Variants in MTRES1 observed in about 807,000 individuals in gnomAD.
The protein encoded by MTRES1 is mitochondrial transcription rescue factor 1, also known as uncharacterized protein C6orf203.
MTRES1 carries 11 observed loss-of-function variants against 17.4 expected under a neutral mutation model. The observed-to-expected ratio is 0.63, with a 90% CI of 0.40 to 1.05. The LOEUF (loss-of-function observed/expected upper bound fraction) is 1.05, where lower values mean the gene tolerates loss of function less well. Among genes scored for constraint, MTRES1 ranks in the 50% least tolerant of loss-of-function variants. The pLI is 0.00. For missense variants in MTRES1, 268 were observed against 276.2 expected, an observed-to-expected ratio of 0.97 and a Z score of 0.21; for synonymous variants, 94 against 99.6, an observed-to-expected ratio of 0.94 and a Z score of 0.34.
chr6:107,032,108 A>C (rs1431065211), intron 1 of MTRES1, among the ~76,000 whole-genome samples: 1 of 152,150 alleles, frequency 6.6e-6, no homozygotes, highest in East Asian at 1.9e-4. Context: ...CTGTTTTGAG[A>C]AGTTTTATGG....
intron 1 of MTRES1, among the ~76,000 whole-genome samples, chr6:107,038,113 C>A (rs1774071541): frequency 6.6e-6 from 1 of 152,128 alleles, no homozygotes; most frequent in Admixed American, 6.6e-5. Context: ...AGATTGGAGT[C>A]CCAAGAGTGG....
chr6:107,045,181 T>G (rs142265637), intron 3 of MTRES1, among the ~76,000 whole-genome samples: 1 of 59,128 alleles, frequency 1.7e-5, no homozygotes, highest in African/African-American at 3.8e-5. Flanking sequence ...TGAGACCCTG[T>G]CTCAAAAAAA....
intron 1 of MTRES1, among the ~76,000 whole-genome samples, chr6:107,033,516 A>G (rs1184163329): frequency 6.6e-6 from 1 of 152,008 alleles, no homozygotes; most frequent in East Asian, 1.9e-4. Flanking sequence ...TCCCCTGACC[A>G]GTTTCAAAGT....
At chr6:107,045,970 C>G (rs1774375771) in intron 3 of MTRES1, among the ~76,000 whole-genome samples, 1 of 152,214 alleles carries the variant, frequency 6.6e-6, no homozygotes, top group African/African-American at 2.4e-5. Flanking sequence ...ACTGAGGCTT[C>G]CTGCAGTCCT....
At position 107,051,108 on chromosome 6, in the gene MTRES1, G is replaced by A; in HGVS notation, c.595G>A (p.Gly199Arg). The A allele has an allele frequency of 5.0e-6, 8 of 1,613,876 alleles. No individual in the cohort carries two copies. Among genetic ancestry groups the A allele is most frequent in the Non-Finnish European group, 6.8e-6 (8 of 1,179,774 alleles). Reference sequence around the variant, plus strand: ...TCTCATTGGAGAGGATAAAGAAGCAGGAACAGAGACAGTTATGCGGATTCT... The same window carrying A: ...TCTCATTGGAGAGGATAAAGAAGCAAGAACAGAGACAGTTATGCGGATTCT... Reference protein sequence around the residue: ...DLLIGEDKEAGTETVMRILLK... With the variant: ...DLLIGEDKEARTETVMRILLK... Residue 199 changes from glycine to arginine, a missense_variant, in exon 4 of 4, where the codon GGA becomes AGA. Coordinates refer to ENST00000311381, the MANE Select transcript of MTRES1 (RefSeq NM_016487.5).
intron 1 of MTRES1, chr6:107,028,931 TC>T: frequency 1.0e-6 from 1 of 961,228 alleles, no homozygotes; most frequent in Non-Finnish European, 1.2e-6. Flanking sequence ...TCAGGTCACT[TC>T]CCAGGGTCCA....
intron 1 of MTRES1, among the ~76,000 whole-genome samples, chr6:107,039,358 T>G (rs1774110225): frequency 6.6e-6 from 1 of 152,052 alleles, no homozygotes; most frequent in African/African-American, 2.4e-5. Context: ...TCTCTCTTGT[T>G]GCCTGGGCTG....
At chr6:107,039,105 A>C (rs931273341) in intron 1 of MTRES1, among the ~76,000 whole-genome samples, 1 of 152,146 alleles carries the variant, frequency 6.6e-6, no homozygotes, top group Non-Finnish European at 1.5e-5. Flanking sequence ...AACTATTGTT[A>C]GTATTTTTTT....
Position 107,051,106 on chromosome 6 carries a change from C to T in MTRES1, c.593C>T (p.Ala198Val). 6.2e-7 allele frequency: 1 copy of T among 1,613,614 alleles called. No homozygotes were observed. The highest frequency in any genetic ancestry group is 8.5e-7 in the Non-Finnish European group (1 of 1,179,634). The stretch of plus-strand genomic sequence containing the variant: ...CTTCTCATTGGAGAGGATAAAGAAG[C>T]AGGAACAGAGACAGTTATGCGGATT... ...LDLLIGEDKEAGTETVMRILL... is the reference protein window; with the variant it reads ...LDLLIGEDKEVGTETVMRILL... The change falls in exon 4 of 4, where the codon GCA becomes GTA. Residue 198 changes from alanine (A) to valine (V), a missense_variant. Coordinates refer to ENST00000311381, the MANE Select transcript of MTRES1 (RefSeq NM_016487.5).
intron 1 of MTRES1, among the ~76,000 whole-genome samples, chr6:107,037,003 C>T (rs372315394): frequency 1.3e-5 from 2 of 152,132 alleles, no homozygotes; most frequent in Non-Finnish European, 2.9e-5. Context: ...TGGTCTCAAA[C>T]TCCTGGGCTC....
chr6:107,032,588 G>A (rs1554226569), intron 1 of MTRES1, among the ~76,000 whole-genome samples: 2 of 152,184 alleles, frequency 1.3e-5, no homozygotes, highest in Admixed American at 6.5e-5. Context: ...CCGTGTGCCT[G>A]TAGTCCCAGT....
chr6:107,048,995 G>A (rs1394669200), intron 3 of MTRES1, among the ~76,000 whole-genome samples: 12 of 152,078 alleles, frequency 7.9e-5, no homozygotes, highest in Non-Finnish European at 1.5e-5. Context: ...TTTATATCCA[G>A]CTATTGTGGG....
At chr6:107,043,938 C>G (rs566450702) in intron 2 of MTRES1, among the ~76,000 whole-genome samples, 1 of 152,182 alleles carries the variant, frequency 6.6e-6, no homozygotes, top group East Asian at 1.9e-4. Context: ...ACCAGCCTGG[C>G]CGACATAGTG....
At position 107,040,003 on chromosome 6, in the gene MTRES1, C is replaced by T. The variant is rs141413080; in HGVS notation, c.243C>T (p.Ser81=). Residue 81 remains serine, a synonymous_variant, in exon 2 of 4, where the codon TCC becomes TCT. Coordinates refer to ENST00000311381, the MANE Select transcript of MTRES1 (RefSeq NM_016487.5). ...LLSPECIFPF[S]VRLKSNIRST... ...CTCCAGAATGTATTTTTCCTTTTTC[C>T]GTAAGACTCAAAAGTAATATAAGGT... 6.5e-5 allele frequency: 105 copies of T among 1,613,416 alleles called. No individual in the cohort carries two copies. The highest frequency in any genetic ancestry group is 8.9e-5 in the East Asian group (4 of 44,870).
In MTRES1 at chr6:107,051,327, C is replaced by G. The variant is rs568889738; in HGVS notation, c.*91C>G. 2.5e-6 allele frequency: 3 copies of G among 1,185,392 alleles called. No homozygotes were observed. In the Admixed American group the frequency reaches 7.4e-5, roughly 29 times the overall value. 73.4% of individuals were successfully genotyped at this position (1,185,392 alleles called of 1,614,324 possible). Reference sequence around the variant, plus strand: ...GACATTTTTATTAAAATAAAGTTCTCTTAGCGTTTGTGGAATCTGCCGAGC... The same window carrying G: ...GACATTTTTATTAAAATAAAGTTCTGTTAGCGTTTGTGGAATCTGCCGAGC... On this transcript the variant is annotated 3_prime_UTR_variant, in exon 4 of 4. Transcript: ENST00000311381.
At chr6:107,042,761 T>C (rs1231358548) in intron 2 of MTRES1, among the ~76,000 whole-genome samples, 1 of 152,172 alleles carries the variant, frequency 6.6e-6, no homozygotes, top group Non-Finnish European at 1.5e-5. Flanking sequence ...ACTTTGGCTG[T>C]TGTGAATCAC....
intron 2 of MTRES1, among the ~76,000 whole-genome samples, chr6:107,042,303 G>A (rs1774245172): frequency 1.6e-5 from 2 of 126,532 alleles, no homozygotes; most frequent in Admixed American, 2.0e-4. Flanking sequence ...TCGCACCACT[G>A]CACTCCAGCC....
intron 1 of MTRES1, among the ~76,000 whole-genome samples, chr6:107,029,248 C>G (rs1268070061): frequency 2.0e-5 from 3 of 149,390 alleles, no homozygotes; most frequent in Non-Finnish European, 2.9e-5. Flanking sequence ...AGTGCAGTGG[C>G]GCGATCTCTG....
At position 107,051,377 on chromosome 6, in the gene MTRES1, A is replaced by G; in HGVS notation, c.*141A>G. ...CCATTTTGTGGAAATTGGGATCCAT[A>G]TCTGGAGACACTTCCCAAGGCCTGC... On this transcript the variant is annotated 3_prime_UTR_variant, in exon 4 of 4. Coordinates refer to ENST00000311381, the MANE Select transcript of MTRES1 (RefSeq NM_016487.5). The G allele has an allele frequency of 2.8e-6, 2 of 709,748 alleles. No individual in the cohort carries two copies. Among genetic ancestry groups the G allele is most frequent in the Middle Eastern group, 2.9e-4 (1 of 3,450 alleles). The allele number at this position is 709,748 out of a possible 1,614,324, so 44.0% of individuals were successfully genotyped here.
Sources: gnomAD v4.1 joint callset for allele counts (sites outside exome capture counted in the v4.1 genomes callset) on GRCh38, gnomAD v4.1.1 for gene constraint, MANE v1.5 for transcripts, NCBI Gene and HGNC (gene_info 2026-07-23, HGNC 2026-07-21) for gene names.